Variants in CANT1 observed in about 807,000 individuals in gnomAD.
CANT1 encodes calcium activated nucleotidase 1, also known as soluble calcium-activated nucleotidase 1.
Under a neutral mutation model 30.0 loss-of-function variants are expected in CANT1, and 26 were observed. The observed-to-expected ratio is 0.87, with a 90% CI of 0.64 to 1.20. The LOEUF is 1.20. CANT1 is among the 50% of genes most tolerant of loss of function. CANT1 has a pLI of 0.00. For missense variants in CANT1, 518 were observed against 563.0 expected, an observed-to-expected ratio of 0.92 and a Z score of 0.81; for synonymous variants, 246 against 251.8, an observed-to-expected ratio of 0.98 and a Z score of 0.22.
intron 1 of CANT1, chr17:79,005,854 T>G (rs116337613): frequency 0.026 from 3,987 of 152,278 alleles, 57 homozygotes; most frequent in Middle Eastern, 0.044. Flanking sequence ...AGAACACGGG[T>G]GGCGCATCTC....
At chr17:79,006,060 A>C (rs67046441) in intron 1 of CANT1, 14,623 of 152,316 alleles carry the variant, frequency 0.096, 894 homozygotes, top group Non-Finnish European at 0.13. Context: ...CTCCACAGAC[A>C]GCACGCTCCT....
rs2145832644 is a variant in CANT1 at position 78,991,769 on chromosome 17, G to T, written c.*1781C>A. On this transcript the variant is annotated 3_prime_UTR_variant, in exon 5 of 5. Transcript: ENST00000392446. Reference sequence around the variant, plus strand: ...CAAAACAGATGGATCCCATAGGGAAGGAACACAATCATTATGCTGACAGCA... The same window carrying T: ...CAAAACAGATGGATCCCATAGGGAATGAACACAATCATTATGCTGACAGCA... 1 of 219,962 alleles carries T rather than the reference G, an allele frequency of 4.5e-6. No individual in the cohort carries two copies. The highest frequency in any genetic ancestry group is 6.6e-5 in the East Asian group (1 of 15,056). The allele number at this position is 219,962 out of a possible 1,614,324, so 13.6% of individuals were successfully genotyped here. A position where few individuals can be genotyped will look rare whatever the true frequency, so the allele number is the denominator to read the frequency against.
rs2071300678 is a variant in CANT1, at chr17:79,002,503, T to A, written c.-146-4540A>T. ...TGTGGTTGCAGCTTGGTGTGTAGACTCTGCCTGGTGTGTAGACGCGGCCTG... is the reference window on the plus strand; with the variant it reads ...TGTGGTTGCAGCTTGGTGTGTAGACACTGCCTGGTGTGTAGACGCGGCCTG... On this transcript the variant is annotated intron_variant, in intron 1 of 4. Transcript: ENST00000392446. This position sits in a 1 kb window ranked among gnomAD's most constrained non-coding sequence, Gnocchi z 4.0. Among the ~76,000 whole-genome samples, 1 of 152,114 alleles carries A rather than the reference T, an allele frequency of 6.6e-6. No individual in the cohort carries two copies. The highest frequency in any genetic ancestry group is 1.5e-5 in the Non-Finnish European group (1 of 68,010).
At chr17:78,994,048 G>A (rs1437276913) in intron 4 of CANT1, 128 bp from the exon 5 acceptor site, 8 of 1,247,508 alleles carry the variant, frequency 6.4e-6, no homozygotes, top group Non-Finnish European at 8.7e-6. Context: ...ACAGCAACCC[G>A]CCCCTCCCTG....
rs2070999315 is a variant in CANT1 at position 78,995,339 on chromosome 17, A to G, written c.632-118T>C. The G allele has an allele frequency of 4.5e-6, 5 of 1,111,226 alleles. No homozygotes were observed. In the South Asian group the frequency reaches 5.4e-5, roughly 12 times the overall value. The allele number at this position is 1,111,226 out of a possible 1,614,324, so 68.8% of individuals were successfully genotyped here. ...CCGCACCTGACTCCCGCCCGGCTCC[A>G]CACCTGCCTCCCCTCCGGCCCGCAC... On this transcript the variant is annotated intron_variant, in intron 3 of 4. Transcript: ENST00000392446. This position sits in a 1 kb window ranked among gnomAD's most constrained non-coding sequence, Gnocchi z 5.7.
Position 79,009,735 on chromosome 17 carries a change from A to G in CANT1, c.-218T>C, listed in dbSNP as rs1308528926. 1 of 151,538 alleles carries G rather than the reference A, an allele frequency of 6.6e-6. No homozygotes were observed. The highest frequency in any genetic ancestry group is 1.5e-5 in the Non-Finnish European group (1 of 67,820). The allele number at this position is 151,538 out of a possible 1,614,324, so 9.4% of individuals were successfully genotyped here. A position where few individuals can be genotyped will look rare whatever the true frequency, so the allele number is the denominator to read the frequency against. ...GGGCTTGGCTGGGCTTGGCTGGGCT[A>G]ACGGCCGGGACGGAGGAAGGTGGCC... On this transcript the variant is annotated 5_prime_UTR_variant, in exon 1 of 5. Transcript: ENST00000392446.
At chr17:78,999,288 C>T (rs1443824923) in intron 1 of CANT1, among the ~76,000 whole-genome samples, 1 of 152,148 alleles carries the variant, frequency 6.6e-6, no homozygotes, top group African/African-American at 2.4e-5. Context: ...TCAGGACCCC[C>T]TGAGGTGGTC....
In CANT1 at chr17:78,992,429, C is replaced by G; in HGVS notation, c.*1121G>C. On this transcript the variant is annotated 3_prime_UTR_variant, in exon 5 of 5. Transcript: ENST00000392446. Reference sequence around the variant, plus strand: ...CCTAACCTGGGTCTCAAATCCCACTCTGCCTTCACCCTGGAGTACACTCCA... The same window carrying G: ...CCTAACCTGGGTCTCAAATCCCACTGTGCCTTCACCCTGGAGTACACTCCA... 1 of 307,142 alleles carries G rather than the reference C, an allele frequency of 3.3e-6. No homozygotes were observed. The allele number at this position is 307,142 out of a possible 1,614,324, so 19.0% of individuals were successfully genotyped here. A position where few individuals can be genotyped will look rare whatever the true frequency, so the allele number is the denominator to read the frequency against.
rs1464989537 is a variant in CANT1, at chr17:78,992,230, A to C, written c.*1320T>G. The C allele has an allele frequency of 4.3e-6, 1 of 229,950 alleles. No homozygotes were observed. The highest frequency in any genetic ancestry group is 8.6e-6 in the Non-Finnish European group (1 of 116,196). The allele number at this position is 229,950 out of a possible 1,614,324, so 14.2% of individuals were successfully genotyped here. On this transcript the variant is annotated 3_prime_UTR_variant, in exon 5 of 5. Transcript: ENST00000392446. ...AGCTGTGCTTGAGTTTCAAAGGGGG[A>C]GAGGTTTGTGAGGGACCGGCACAGG... is the stretch of plus-strand genomic sequence containing the variant.
chr17:78,997,501 G>T lies in CANT1; in HGVS notation c.122C>A (p.Pro41His). Residue 41 changes from proline (P) to histidine (H), a missense_variant, in exon 3 of 5, where the codon CCC (proline) becomes CAC (histidine). Pro to His is a moderately conservative substitution (Grantham distance 77, BLOSUM62 -2). Coordinates refer to ENST00000392446, the MANE Select transcript of CANT1 (RefSeq NM_001159773.2). The surrounding 1 kb of genome is among the most constrained non-coding windows in gnomAD (Gnocchi z 7.5). ...GAACGTCAGGATCACCTTCCAGCGG[G>T]GGCGGAAGCGGGGGTCCGCGGCCTT... ...MTKAADPRFRPRWKVILTFFV... is the reference protein window; with the variant it reads ...MTKAADPRFRHRWKVILTFFV... 6.3e-7 allele frequency: 1 copy of T among 1,576,066 alleles called. No homozygotes were observed. Among genetic ancestry groups the T allele is most frequent in the Non-Finnish European group, 8.6e-7 (1 of 1,159,494 alleles).
At position 78,997,462 on chromosome 17, in the gene CANT1, G is replaced by A. The variant is rs761980256; in HGVS notation, c.161C>T (p.Ala54Val). ...GTGGGAGCAGAGCAGCCAGAGGATG[G>A]CAGCACCCACAAAGAACGTCAGGAT... is the stretch of plus-strand genomic sequence containing the variant. ...KVILTFFVGA[A>V]ILWLLCSHRP... Residue 54 changes from alanine (A) to valine (V), a missense_variant, in exon 3 of 5, where the codon GCC becomes GTC. Ala to Val is a moderately conservative substitution (Grantham distance 64). Around this residue, in one of 3 missense-constraint regions of CANT1, gnomAD observed 249 missense variants for 268.8 expected, o/e 0.93. Transcript: ENST00000392446. This position sits in a 1 kb window ranked among gnomAD's most constrained non-coding sequence, Gnocchi z 7.5. The A allele has an allele frequency of 6.3e-7, 1 of 1,597,872 alleles. No individual in the cohort carries two copies. The highest frequency in any genetic ancestry group is 2.2e-5 in the East Asian group (1 of 44,626).
chr17:79,003,424 C>T (rs915600438), intron 1 of CANT1, among the ~76,000 whole-genome samples: 3 of 131,598 alleles, frequency 2.3e-5, no homozygotes, highest in Non-Finnish European at 4.6e-5. Flanking sequence ...TTTGCATGTT[C>T]TTTAAAAAGC....
At chr17:79,003,650 A>C (rs1450518363) in intron 1 of CANT1, among the ~76,000 whole-genome samples, 1 of 152,062 alleles carries the variant, frequency 6.6e-6, no homozygotes, top group Non-Finnish European at 1.5e-5. Context: ...CTGCAGAGTA[A>C]TGGTTTGATT....
intron 1 of CANT1, chr17:79,000,125 C>CAT (rs1488532027): frequency 1.3e-5 from 2 of 152,346 alleles, no homozygotes; most frequent in African/African-American, 4.8e-5. Flanking sequence ...GCGTCTTAGA[C>CAT]ATTTCAAGAC....
rs532707380 is a variant in CANT1 at position 78,995,840 on chromosome 17, C to T, written c.632-619G>A. Among the ~76,000 whole-genome samples the T allele has an allele frequency of 4.6e-5, 7 of 152,206 alleles. No individual in the cohort carries two copies. Among genetic ancestry groups the T allele is most frequent in the African/African-American group, 1.7e-4 (7 of 41,528 alleles). On this transcript the variant is annotated intron_variant, in intron 3 of 4. Coordinates refer to ENST00000392446, the MANE Select transcript of CANT1 (RefSeq NM_001159773.2). The surrounding 1 kb of genome is among the most constrained non-coding windows in gnomAD (Gnocchi z 5.7). ...TCCCCAAATTTTGCCAGCTTCTTGCCCCTGAGAGCTGGAGCTGTGCCCTCT... is the reference window on the plus strand; with the variant it reads ...TCCCCAAATTTTGCCAGCTTCTTGCTCCTGAGAGCTGGAGCTGTGCCCTCT...
intron 1 of CANT1, among the ~76,000 whole-genome samples, chr17:79,000,613 C>T (rs2071221942): frequency 6.6e-6 from 1 of 152,188 alleles, no homozygotes; most frequent in South Asian, 2.1e-4. Context: ...CACTCTGCTC[C>T]CGCTCAGCCC....
Position 78,997,474 on chromosome 17 carries a change from A to G in CANT1, c.149T>C (p.Phe50Ser), listed in dbSNP as rs751459908. 9 of 1,592,722 alleles carry G rather than the reference A, an allele frequency of 5.7e-6. No homozygotes were observed. The East Asian group carries it at 2.0e-4, about 36-fold the overall frequency. ...RPRWKVILTF[F>S]VGAAILWLLC... Reference sequence around the variant, plus strand: ...CAGCCAGAGGATGGCAGCACCCACAAAGAACGTCAGGATCACCTTCCAGCG... The same window carrying G: ...CAGCCAGAGGATGGCAGCACCCACAGAGAACGTCAGGATCACCTTCCAGCG... Residue 50 changes from phenylalanine (F) to serine (S), a missense_variant, in exon 3 of 5, where the codon TTT becomes TCT. Phe to Ser is a radical substitution (Grantham distance 155). Coordinates refer to ENST00000392446, the MANE Select transcript of CANT1 (RefSeq NM_001159773.2). The surrounding 1 kb of genome is among the most constrained non-coding windows in gnomAD (Gnocchi z 7.5).
At chr17:78,999,829 T>A (rs2145844146) in intron 1 of CANT1, among the ~76,000 whole-genome samples, 1 of 152,128 alleles carries the variant, frequency 6.6e-6, no homozygotes, top group African/African-American at 2.4e-5. Flanking sequence ...AATTTTGTAT[T>A]TTTAGTAGAG....
intron 1 of CANT1, among the ~76,000 whole-genome samples, chr17:79,006,921 C>G (rs1292392136): frequency 6.6e-6 from 1 of 152,240 alleles, no homozygotes. Context: ...AGGACTTTCA[C>G]TCAACCCGGC....
Sources: gnomAD v4.1 joint callset for allele counts (sites outside exome capture counted in the v4.1 genomes callset) on GRCh38, gnomAD v4.1.1 for gene constraint, gnomAD v4.1.1 regional missense constraint, Gnocchi (gnomAD v3.1) non-coding constraint, MANE v1.5 for transcripts, NCBI Gene and HGNC (gene_info 2026-07-23, HGNC 2026-07-21) for gene names.